The following NALCN variants were observed in gnomAD, a reference collection of about 807,000 sequenced individuals.
The protein encoded by NALCN is sodium leak channel, non-selective, also known as sodium leak channel NALCN.
A neutral mutation model predicts 225.3 loss-of-function variants in NALCN; 111 were observed. That is an observed-to-expected ratio of 0.49 (90% CI 0.42 to 0.58). NALCN has a LOEUF of 0.58. NALCN is among the 20% of genes least tolerant of loss of function. The probability of loss-of-function intolerance (pLI) is 0.00; values close to 1 mark genes in which losing one functional copy is unlikely to be tolerated. For synonymous variants in NALCN, 764 were observed against 769.0 expected (o/e 0.99, Z 0.11); for missense variants, 1,378 against 2,202.4 (o/e 0.63, Z 7.49).
chr13:101,403,029 G>A (rs190732984), intron 1 of NALCN, among the ~76,000 whole-genome samples: 143 of 152,122 alleles, frequency 9.4e-4, no homozygotes, highest in Non-Finnish European at 1.7e-3. Flanking sequence ...TCAGGTCTGG[G>A]ATGCCTTTCA....
In NALCN at chr13:101,125,860, C is replaced by T. The variant is rs576823498; in HGVS notation, c.2119-1179G>A. Among the ~76,000 whole-genome samples, 7 of 152,274 alleles carry T rather than the reference C, an allele frequency of 4.6e-5. No individual in the cohort carries two copies. The East Asian group carries it at 1.2e-3, about 25-fold the overall frequency. On this transcript the variant is annotated intron_variant, in intron 17 of 43. Transcript: ENST00000251127. Reference sequence around the variant, plus strand: ...GGCAAGTTAATTTGGTACAAACTACCTGTATAAGTGCTGTGCTAGCCAGAT... The same window carrying T: ...GGCAAGTTAATTTGGTACAAACTACTTGTATAAGTGCTGTGCTAGCCAGAT...
chr13:101,289,729 A>G (rs2043481382), intron 9 of NALCN, among the ~76,000 whole-genome samples: 1 of 152,178 alleles, frequency 6.6e-6, no homozygotes, highest in South Asian at 2.1e-4. Context: ...AGCTGTGTGC[A>G]TTATAATAAT....
chr13:101,210,746 A>AT (rs1390184774), intron 13 of NALCN, among the ~76,000 whole-genome samples: 2 of 152,286 alleles, frequency 1.3e-5, no homozygotes, highest in African/African-American at 4.8e-5. Flanking sequence ...TGGGCTTTCC[A>AT]TGCATTTAAG....
intron 3 of NALCN, among the ~76,000 whole-genome samples, chr13:101,389,645 G>T (rs79694122): frequency 0.075 from 11,473 of 152,176 alleles, 824 homozygotes; most frequent in East Asian, 0.32. Context: ...ACAGTGGAGG[G>T]ACCCCTCGTA....
chr13:101,266,006 A>G (rs1479021780), intron 10 of NALCN, among the ~76,000 whole-genome samples: 3 of 152,236 alleles, frequency 2.0e-5, no homozygotes, highest in East Asian at 1.9e-4. Context: ...TGGAATATCA[A>G]TTTTGAAGAC....
intron 28 of NALCN, among the ~76,000 whole-genome samples, chr13:101,093,824 A>G (rs1324541418): frequency 1.3e-5 from 2 of 152,176 alleles, no homozygotes; most frequent in African/African-American, 4.8e-5. Context: ...TCATATAACA[A>G]TCCCATCCTT....
intron 1 of NALCN, among the ~76,000 whole-genome samples, chr13:101,406,291 C>T (rs904930832): frequency 6.6e-6 from 1 of 151,950 alleles, no homozygotes; most frequent in African/African-American, 2.4e-5. Context: ...ATACTACTGC[C>T]CCTCAGCCTG....
upstream of NALCN, among the ~76,000 whole-genome samples, chr13:101,416,803 G>C (rs568215364): frequency 2.6e-5 from 4 of 151,794 alleles, no homozygotes; most frequent in Non-Finnish European, 5.9e-5. Context: ...CACGGCGGCG[G>C]TGTGCACGGG....
At chr13:101,065,686 A>C in intron 39 of NALCN, 125 bp from the exon 40 acceptor site, 4 of 1,179,344 alleles carry the variant, frequency 3.4e-6, no homozygotes, top group Non-Finnish European at 4.7e-6. Flanking sequence ...GATGTGAAGA[A>C]AGCTGGTCAC....
At chr13:101,192,208 T>C (rs1416271416) in intron 13 of NALCN, among the ~76,000 whole-genome samples, 154 bp from the exon 14 acceptor site, 1 of 152,190 alleles carries the variant, frequency 6.6e-6, no homozygotes, top group East Asian at 1.9e-4. Flanking sequence ...AGGAAAGATA[T>C]AAGAATAAAG....
intron 11 of NALCN, among the ~76,000 whole-genome samples, chr13:101,251,312 T>C (rs2042054936): frequency 6.6e-6 from 1 of 151,962 alleles, no homozygotes; most frequent in Non-Finnish European, 1.5e-5. Flanking sequence ...CCAAATATAA[T>C]GAGGATTGAA....
chr13:101,107,635 T>A (rs2035203270), intron 21 of NALCN, 26 bp from the exon 22 acceptor site: 8 of 1,614,054 alleles, frequency 5.0e-6, no homozygotes, highest in Non-Finnish European at 6.8e-6. Flanking sequence ...CATGGGAGAA[T>A]GAGGCTAAGG....
At chr13:101,342,798 G>T (rs189503710) in intron 7 of NALCN, among the ~76,000 whole-genome samples, 137 of 152,082 alleles carry the variant, frequency 9.0e-4, no homozygotes, top group African/African-American at 2.9e-3. Context: ...CTTACAACAG[G>T]GGTTCCTTGT....
Position 101,253,292 on chromosome 13 carries a change from G to C in NALCN, c.1266+5151C>G, listed in dbSNP as rs2042116179. On this transcript the variant is annotated intron_variant, in intron 11 of 43. Coordinates refer to ENST00000251127, the MANE Select transcript of NALCN (RefSeq NM_052867.4). ...AAGTATCTTAATTTATTCTTAAAGG[G>C]TGATTTTTAGACTGTGAGTTGGCTC... 2.6e-5 allele frequency among the ~76,000 whole-genome samples: 4 copies of C among 152,116 alleles called. No individual in the cohort carries two copies. The South Asian group carries it at 8.3e-4, about 31-fold the overall frequency.
intron 10 of NALCN, among the ~76,000 whole-genome samples, chr13:101,282,615 T>TTTGCTAG (rs1436761457): frequency 6.6e-6 from 1 of 152,124 alleles, no homozygotes; most frequent in Non-Finnish European, 1.5e-5. Context: ...ATTGTATACA[T>TTTGCTAG]GAGATTTGCT....
chr13:101,072,416 C>T (rs777530454), intron 37 of NALCN, among the ~76,000 whole-genome samples: 20 of 152,324 alleles, frequency 1.3e-4, no homozygotes, highest in Non-Finnish European at 2.4e-4. Flanking sequence ...TAGCACAAGA[C>T]TTAAGTCATC....
intron 27 of NALCN, among the ~76,000 whole-genome samples, chr13:101,096,729 A>C (rs2034527895): frequency 6.6e-6 from 1 of 152,206 alleles, no homozygotes; most frequent in South Asian, 2.1e-4. Flanking sequence ...TGTGGATTAC[A>C]TCTCAATAAA....
At chr13:101,113,737 G>A (rs1197141236) in intron 18 of NALCN, among the ~76,000 whole-genome samples, 2 of 152,152 alleles carry the variant, frequency 1.3e-5, no homozygotes, top group Non-Finnish European at 2.9e-5. Flanking sequence ...AATGAGAAAT[G>A]AATATTTCAC....
chr13:101,253,943 T>C (rs935416433), intron 11 of NALCN, among the ~76,000 whole-genome samples: 2 of 152,198 alleles, frequency 1.3e-5, no homozygotes, highest in East Asian at 3.8e-4. Context: ...TATGAAAAAG[T>C]AAGTTTAATT....
Sources: allele counts gnomAD v4.1 joint callset (sites outside exome capture counted in the v4.1 genomes callset), GRCh38; gene constraint gnomAD v4.1.1; transcripts MANE v1.5; gene names NCBI Gene and HGNC (gene_info 2026-07-23, HGNC 2026-07-21).